RASAL2: variants seen among roughly 807,000 people sequenced by gnomAD.
RASAL2 encodes the protein ras GTPase-activating protein nGAP.
In RASAL2, 58 loss-of-function variants were observed where a neutral mutation model predicts 128.9. That is an observed-to-expected ratio of 0.45 (90% CI 0.36 to 0.56). RASAL2 has a LOEUF of 0.56. Among genes scored for constraint, RASAL2 ranks in the 20% least tolerant of loss-of-function variants. The probability of loss-of-function intolerance (pLI) is 0.00; values close to 1 mark genes in which losing one functional copy is unlikely to be tolerated. For missense variants in RASAL2, 1,360 were observed against 1,601.6 expected (o/e 0.85, Z 2.57); for synonymous variants, 561 against 580.8 (o/e 0.97, Z 0.49).
At chr1:178,461,594 A>G (rs560745962) in intron 14 of RASAL2, among the ~76,000 whole-genome samples, 73 of 152,248 alleles carry the variant, frequency 4.8e-4, no homozygotes, top group Non-Finnish European at 7.9e-4. Context: ...AGTTGTTCAG[A>G]TTTATCATGT....
At chr1:178,143,756 T>G (rs1246303924) in intron 1 of RASAL2, among the ~76,000 whole-genome samples, 2 of 87,922 alleles carry the variant, frequency 2.3e-5, no homozygotes, top group African/African-American at 1.4e-4. Flanking sequence ...TTGTTTGGGT[T>G]TTTTTTTTTT....
At chr1:178,146,498 G>A (rs908487415) in intron 1 of RASAL2, among the ~76,000 whole-genome samples, 2 of 152,132 alleles carry the variant, frequency 1.3e-5, no homozygotes, top group Non-Finnish European at 2.9e-5. Context: ...TACTGGTTGC[G>A]GCCATTTTTG....
chr1:178,343,329 ACTGT>A (rs923885030), intron 3 of RASAL2, among the ~76,000 whole-genome samples: 28 of 152,180 alleles, frequency 1.8e-4, no homozygotes, highest in African/African-American at 5.8e-4. Context: ...GAAAGAAGAG[ACTGT>A]CTGTCTTACT....
At chr1:178,372,073 C>T (rs1251468715) in intron 3 of RASAL2, 34 of 768,398 alleles carry the variant, frequency 4.4e-5, no homozygotes, top group Non-Finnish European at 5.1e-5. Context: ...ATTGATGTCA[C>T]AGAGACAGAA....
intron 5 of RASAL2, among the ~76,000 whole-genome samples, chr1:178,433,626 A>G (rs1405260493): frequency 6.6e-6 from 1 of 152,076 alleles, no homozygotes; most frequent in Non-Finnish European, 1.5e-5. Context: ...CTAAAAAGTC[A>G]GTGTTGCCAA....
intron 1 of RASAL2, among the ~76,000 whole-genome samples, chr1:178,279,403 G>C (rs987305330): frequency 3.3e-5 from 5 of 152,050 alleles, no homozygotes; most frequent in African/African-American, 9.7e-5. Flanking sequence ...ATCTGTTTCA[G>C]ACCCTGACCA....
intron 3 of RASAL2, among the ~76,000 whole-genome samples, chr1:178,306,906 C>G (rs1274222515): frequency 1.3e-5 from 2 of 150,006 alleles, no homozygotes; most frequent in African/African-American, 4.9e-5. Flanking sequence ...GGAGATATAC[C>G]TAATGCTAGA....
chr1:178,192,584 T>TAC (rs983352006), intron 1 of RASAL2, among the ~76,000 whole-genome samples: 15 of 152,132 alleles, frequency 9.9e-5, no homozygotes, highest in Admixed American at 7.9e-4. Flanking sequence ...TGTGTGTATA[T>TAC]ACACACACAC....
At chr1:178,179,475 A>G (rs543456788) in intron 1 of RASAL2, among the ~76,000 whole-genome samples, 1 of 152,330 alleles carries the variant, frequency 6.6e-6, no homozygotes, top group East Asian at 1.9e-4. Flanking sequence ...AGAAGGGAAG[A>G]AAGAGGTAGA....
At chr1:178,276,992 G>T (rs12085104) in intron 1 of RASAL2, among the ~76,000 whole-genome samples, 1 of 150,914 alleles carries the variant, frequency 6.6e-6, no homozygotes, top group African/African-American at 2.4e-5. Flanking sequence ...ACTAAAAATA[G>T]AAAAAATTAG....
chr1:178,458,566 G>A, intron 14 of RASAL2, 22 bp downstream of exon 14: 1 of 1,568,562 alleles, frequency 6.4e-7, no homozygotes, highest in Non-Finnish European at 8.6e-7. Context: ...TGCTGAAGGG[G>A]CCTGGCTTCT....
chr1:178,127,660 C>T (rs1308705281), intron 1 of RASAL2, among the ~76,000 whole-genome samples: 1 of 151,990 alleles, frequency 6.6e-6, no homozygotes, highest in African/African-American at 2.4e-5. Flanking sequence ...TACTTTTAGG[C>T]TGGAGATACA....
At chr1:178,216,585 TG>T (rs1663427396) in intron 1 of RASAL2, among the ~76,000 whole-genome samples, 2 of 152,248 alleles carry the variant, frequency 1.3e-5, no homozygotes, top group Admixed American at 1.3e-4. Context: ...TCTTATCTAA[TG>T]TTTTTTTGGT....
chr1:178,346,147 G>A (rs1283214048), intron 3 of RASAL2, among the ~76,000 whole-genome samples: 1 of 152,066 alleles, frequency 6.6e-6, no homozygotes, highest in Non-Finnish European at 1.5e-5. Context: ...CAGGTTCAGT[G>A]GCTCATACTT....
At chr1:178,109,068 C>A (rs1240681996) in intron 1 of RASAL2, among the ~76,000 whole-genome samples, 1 of 152,140 alleles carries the variant, frequency 6.6e-6, no homozygotes, top group Non-Finnish European at 1.5e-5. Context: ...AGAAATCACA[C>A]AATCTTAAGA....
intron 1 of RASAL2, among the ~76,000 whole-genome samples, chr1:178,232,514 G>A (rs1664051209): frequency 1.3e-5 from 2 of 152,070 alleles, no homozygotes; most frequent in Admixed American, 6.6e-5. Context: ...TTCCTTTGCT[G>A]TAGTTTATAG....
chr1:178,167,774 T>C (rs1661568216), intron 1 of RASAL2, among the ~76,000 whole-genome samples: 1 of 152,076 alleles, frequency 6.6e-6, no homozygotes, highest in African/African-American at 2.4e-5. Context: ...TGCCTGCATG[T>C]TTTTTCAAAT....
chr1:178,322,012 TG>T (rs1310962304), intron 3 of RASAL2, among the ~76,000 whole-genome samples: 7 of 151,878 alleles, frequency 4.6e-5, no homozygotes, highest in African/African-American at 1.2e-4. Flanking sequence ...AATTTTTTTT[TG>T]GTAGAGATGG....
At chr1:178,106,717 G>C (rs1659103577) in intron 1 of RASAL2, among the ~76,000 whole-genome samples, 1 of 152,116 alleles carries the variant, frequency 6.6e-6, no homozygotes, top group South Asian at 2.1e-4. Flanking sequence ...TATTGAAATA[G>C]AAAGATACCC....
Sources: gnomAD v4.1 joint callset for allele counts (sites outside exome capture counted in the v4.1 genomes callset) on GRCh38, gnomAD v4.1.1 for gene constraint, MANE v1.5 for transcripts, NCBI Gene and HGNC (gene_info 2026-07-23, HGNC 2026-07-21) for gene names.